PDLIM5: variants seen among roughly 807,000 people sequenced by gnomAD.
The protein encoded by PDLIM5 is PDZ and LIM domain protein 5.
Under a neutral mutation model 64.2 loss-of-function variants are expected in PDLIM5, and 34 were observed. The observed-to-expected ratio is 0.53, with a 90% confidence interval of 0.40 to 0.71. The LOEUF (loss-of-function observed/expected upper bound fraction) is 0.71. Among genes scored for constraint, PDLIM5 ranks in the 30% least tolerant of loss-of-function variants. PDLIM5 has a pLI of 0.00. For synonymous variants in PDLIM5, 253 were observed against 269.1 expected (o/e 0.94, Z 0.59); for missense variants, 683 against 733.6 (o/e 0.93, Z 0.80).
chr4:94,505,095 T>C (rs759683414), intron 2 of PDLIM5, among the ~76,000 whole-genome samples: 1 of 152,150 alleles, frequency 6.6e-6, no homozygotes, highest in Non-Finnish European at 1.5e-5. Flanking sequence ...ACAATAGACA[T>C]GTGGGGATAT....
intron 2 of PDLIM5, among the ~76,000 whole-genome samples, chr4:94,488,426 T>A (rs1332001264): frequency 1.3e-5 from 2 of 152,212 alleles, no homozygotes; most frequent in African/African-American, 2.4e-5. Flanking sequence ...AGTCACACTT[T>A]CCTAAAGCTC....
At chr4:94,533,374 A>G (rs541156680) in intron 3 of PDLIM5, among the ~76,000 whole-genome samples, 11 of 152,214 alleles carry the variant, frequency 7.2e-5, no homozygotes, top group Non-Finnish European at 1.0e-4. Context: ...TGGGAAAGCA[A>G]TCCCAGGAAT....
chr4:94,663,661 A>G (rs1172084019), intron 12 of PDLIM5, among the ~76,000 whole-genome samples: 1 of 152,216 alleles, frequency 6.6e-6, no homozygotes, highest in African/African-American at 2.4e-5. Flanking sequence ...GAGATAAAAT[A>G]TATTTAACGA....
At chr4:94,630,426 G>T (rs1360370587) in intron 8 of PDLIM5, among the ~76,000 whole-genome samples, 3 of 152,102 alleles carry the variant, frequency 2.0e-5, no homozygotes, top group East Asian at 1.9e-4. Flanking sequence ...CCAGGCTGGA[G>T]TCCAGTGGCG....
intron 3 of PDLIM5, among the ~76,000 whole-genome samples, chr4:94,526,801 C>A (rs1448784043): frequency 6.6e-6 from 1 of 151,022 alleles, no homozygotes; most frequent in African/African-American, 2.4e-5. Flanking sequence ...GGCACCATCT[C>A]AGCTCACTGC....
chr4:94,586,380 A>G (rs1211276677), intron 6 of PDLIM5, 28 bp from the exon 7 acceptor site: 1 of 1,267,440 alleles, frequency 7.9e-7, no homozygotes. Context: ...AAACAAACTA[A>G]TATTGGATAT....
intron 3 of PDLIM5, among the ~76,000 whole-genome samples, chr4:94,550,782 A>G (rs991965971): frequency 6.6e-5 from 10 of 152,172 alleles, no homozygotes; most frequent in African/African-American, 9.6e-5. Context: ...TTTATTTTTC[A>G]TATTGAAAAT....
chr4:94,484,771 T>C (rs1220052242), intron 2 of PDLIM5, among the ~76,000 whole-genome samples: 1 of 152,212 alleles, frequency 6.6e-6, no homozygotes, highest in Non-Finnish European at 1.5e-5. Flanking sequence ...CTATATAAGC[T>C]TGGATAGTTT....
At chr4:94,507,981 C>A (rs1397023659) in intron 2 of PDLIM5, among the ~76,000 whole-genome samples, 1 of 152,198 alleles carries the variant, frequency 6.6e-6, no homozygotes, top group Non-Finnish European at 1.5e-5. Context: ...TCCCTAACTG[C>A]TGTCAGCACC....
intron 7 of PDLIM5, among the ~76,000 whole-genome samples, chr4:94,590,003 C>T (rs1736558063): frequency 6.6e-6 from 1 of 152,048 alleles, no homozygotes; most frequent in African/African-American, 2.4e-5. Context: ...TCTCGAACTC[C>T]TGACCTCCAG....
At chr4:94,551,769 GTATATGACCCA>G in intron 3 of PDLIM5, among the ~76,000 whole-genome samples, 1 of 152,096 alleles carries the variant, frequency 6.6e-6, no homozygotes, top group Non-Finnish European at 1.5e-5. Context: ...ACTGTGTCTG[GTATATGACCCA>G]TAAAGGAAAA....
intron 3 of PDLIM5, among the ~76,000 whole-genome samples, chr4:94,525,144 C>T (rs922740590): frequency 3.9e-5 from 6 of 152,172 alleles, no homozygotes; most frequent in East Asian, 1.9e-4. Context: ...ATAGGCTGGG[C>T]GCTGTGGCTC....
intron 8 of PDLIM5, among the ~76,000 whole-genome samples, chr4:94,620,753 A>G (rs547716005): frequency 2.3e-4 from 35 of 152,130 alleles, no homozygotes; most frequent in Non-Finnish European, 4.0e-4. Flanking sequence ...ACATGTCACT[A>G]ATTTTGCTAA....
chr4:94,636,527 A>G (rs1302156351), intron 8 of PDLIM5, among the ~76,000 whole-genome samples: 1 of 149,922 alleles, frequency 6.7e-6, no homozygotes, highest in Non-Finnish European at 1.5e-5. Context: ...AAAGAAGTAT[A>G]TAGAGTTCGT....
intron 7 of PDLIM5, chr4:94,610,971 C>A (rs1030114959): frequency 1.2e-6 from 1 of 858,248 alleles, no homozygotes; most frequent in Non-Finnish European, 1.8e-6. Context: ...CACCCTCTCT[C>A]TCGTAAAGGA....
chr4:94,498,902 A>G (rs1727648921), intron 2 of PDLIM5, among the ~76,000 whole-genome samples: 1 of 152,196 alleles, frequency 6.6e-6, no homozygotes, highest in African/African-American at 2.4e-5. Context: ...TAACTATCTG[A>G]TATTTTATTC....
intron 7 of PDLIM5, among the ~76,000 whole-genome samples, chr4:94,600,362 C>T (rs1162913535): frequency 6.6e-6 from 1 of 152,180 alleles, no homozygotes; most frequent in Non-Finnish European, 1.5e-5. Flanking sequence ...ACAGGACACT[C>T]TCACTGGAGC....
At chr4:94,581,879 T>A (rs976118535) in intron 5 of PDLIM5, among the ~76,000 whole-genome samples, 3 of 152,212 alleles carry the variant, frequency 2.0e-5, no homozygotes, top group Admixed American at 6.5e-5. Context: ...CAGGTGTCAC[T>A]AACTTAGTTC....
chr4:94,616,202 C>T (rs530589150), intron 7 of PDLIM5, among the ~76,000 whole-genome samples: 1 of 152,138 alleles, frequency 6.6e-6, no homozygotes, highest in East Asian at 1.9e-4. Flanking sequence ...AAAATCAAAT[C>T]CGCAAGGGTA....
Sources: allele counts gnomAD v4.1 joint callset (sites outside exome capture counted in the v4.1 genomes callset), GRCh38; gene constraint gnomAD v4.1.1; transcripts MANE v1.5; gene names NCBI Gene and HGNC (gene_info 2026-07-23, HGNC 2026-07-21).